B3GALT1: variants seen among roughly 807,000 people sequenced by gnomAD.
The protein encoded by B3GALT1 is beta-1,3-galactosyltransferase 1, also known as UDP-Gal:betaGlcNAc beta 1,3-galactosyltransferase, polypeptide 1.
A neutral mutation model predicts 23.2 loss-of-function variants in B3GALT1; 10 were observed. The ratio of observed to expected loss-of-function variants is 0.43; its 90% CI spans 0.27 to 0.73. B3GALT1 has a LOEUF of 0.73. Ranked by LOEUF, B3GALT1 falls within the 30% of genes least tolerant of loss-of-function variation. The pLI is 0.21. For missense variants in B3GALT1, 299 were observed against 405.4 expected (o/e 0.74, Z 2.25); for synonymous variants, 156 against 141.5 (o/e 1.10, Z -0.73).
chr2:167,768,464 T>C (rs1176126246), intron 3 of B3GALT1, among the ~76,000 whole-genome samples: 5 of 152,230 alleles, frequency 3.3e-5, no homozygotes, highest in Non-Finnish European at 5.9e-5. Context: ...TCAGTATTTA[T>C]GATGCTAGAT....
At chr2:167,522,022 TTATA>T (rs1367087185) in intron 2 of B3GALT1, among the ~76,000 whole-genome samples, 4 of 121,868 alleles carry the variant, frequency 3.3e-5, no homozygotes, top group South Asian at 5.9e-4. Flanking sequence ...ATATATATAA[TTATA>T]TATATGTATA....
intron 1 of B3GALT1, among the ~76,000 whole-genome samples, chr2:167,367,771 C>G (rs148216896): frequency 1.3e-5 from 2 of 152,166 alleles, no homozygotes. Flanking sequence ...ACCCTCTTCT[C>G]CCCTGAGCAA....
At chr2:167,804,811 G>A (rs1251909674) in intron 3 of B3GALT1, among the ~76,000 whole-genome samples, 2 of 151,050 alleles carry the variant, frequency 1.3e-5, no homozygotes, top group Non-Finnish European at 3.0e-5. Flanking sequence ...CTTTATAGCA[G>A]CATGATTTAT....
chr2:167,436,531 T>C (rs1698789401), intron 1 of B3GALT1, among the ~76,000 whole-genome samples: 1 of 152,232 alleles, frequency 6.6e-6, no homozygotes, highest in South Asian at 2.1e-4. Context: ...AAACACTAAA[T>C]GTTAATTAAT....
In B3GALT1 at chr2:167,338,877, A is replaced by AT. The variant is rs765131905; in HGVS notation, c.-511+45543_-511+45544insT. On this transcript the variant is annotated intron_variant, in intron 1 of 4. Coordinates refer to ENST00000392690, the MANE Select transcript of B3GALT1 (RefSeq NM_020981.4). The stretch of plus-strand genomic sequence containing the variant: ...GAAGTCATTGATATTTAGCATATAT[A>AT]AAAATCCTCCAATAAATAAATATTT... 2.4e-4 allele frequency among the ~76,000 whole-genome samples: 36 copies of AT among 152,252 alleles called. 1 individual carries two copies. Among genetic ancestry groups the AT allele is most frequent in the Admixed American group, 1.1e-3 (17 of 15,282 alleles).
intron 2 of B3GALT1, among the ~76,000 whole-genome samples, chr2:167,510,762 T>A (rs953494708): frequency 6.6e-6 from 1 of 152,164 alleles, no homozygotes; most frequent in African/African-American, 2.4e-5. Context: ...GAGCTCAATT[T>A]TGCACAGTTT....
intron 1 of B3GALT1, among the ~76,000 whole-genome samples, chr2:167,389,980 G>A (rs1213724112): frequency 1.3e-5 from 2 of 151,586 alleles, no homozygotes; most frequent in African/African-American, 4.8e-5. Flanking sequence ...TTCTGGAAAT[G>A]GCCTCATTGT....
chr2:167,752,425 A>G (rs1446067374), intron 3 of B3GALT1, among the ~76,000 whole-genome samples: 5 of 152,058 alleles, frequency 3.3e-5, no homozygotes, highest in African/African-American at 1.2e-4. Context: ...TGTAAAGCAT[A>G]TTGCTTTTGT....
intron 1 of B3GALT1, among the ~76,000 whole-genome samples, chr2:167,432,556 G>C (rs1305621008): frequency 2.0e-5 from 3 of 152,108 alleles, no homozygotes; most frequent in African/African-American, 4.8e-5. Flanking sequence ...CCTTTAGATT[G>C]GGTTTTAAAA....
chr2:167,404,183 G>A (rs1414688068), intron 1 of B3GALT1, among the ~76,000 whole-genome samples: 2 of 152,080 alleles, frequency 1.3e-5, no homozygotes, highest in Non-Finnish European at 2.9e-5. Flanking sequence ...AAGGAAAAGG[G>A]GAGGCAGGTG....
At chr2:167,638,253 A>G (rs1235828782) in intron 2 of B3GALT1, among the ~76,000 whole-genome samples, 6 of 152,062 alleles carry the variant, frequency 3.9e-5, no homozygotes, top group Non-Finnish European at 8.8e-5. Context: ...GTTTTAGGCT[A>G]TTGTATGATA....
intron 3 of B3GALT1, among the ~76,000 whole-genome samples, chr2:167,667,994 G>A (rs926072260): frequency 1.3e-5 from 2 of 152,202 alleles, no homozygotes; most frequent in Non-Finnish European, 2.9e-5. Flanking sequence ...CTGGTGAGGA[G>A]CTGCGTTCCT....
chr2:167,400,044 A>T (rs1329058126), intron 1 of B3GALT1, among the ~76,000 whole-genome samples: 1 of 151,988 alleles, frequency 6.6e-6, no homozygotes, highest in Non-Finnish European at 1.5e-5. Context: ...ATTATGTAGT[A>T]TTTACTTTTG....
rs537082411 is a variant in B3GALT1, at chr2:167,707,482, C to T, written c.-352+60516C>T. On this transcript the variant is annotated intron_variant, in intron 3 of 4. Transcript: ENST00000392690. ...GCAGGTTTGAGTTCTTTCCTGTATA[C>T]TCTGCAGAAGAATTTATTTTTCTTA... Among the ~76,000 whole-genome samples, 15 of 150,160 alleles carry T rather than the reference C, an allele frequency of 1.0e-4. No individual in the cohort carries two copies. The South Asian group carries it at 1.7e-3, about 17-fold the overall frequency.
intron 1 of B3GALT1, among the ~76,000 whole-genome samples, chr2:167,327,384 A>G (rs937796967): frequency 3.9e-5 from 6 of 152,098 alleles, no homozygotes; most frequent in Admixed American, 3.3e-4. Context: ...CTGATCCATG[A>G]ATATAGGATG....
intron 4 of B3GALT1, among the ~76,000 whole-genome samples, chr2:167,846,437 C>CCTAT (rs908530517): frequency 2.6e-5 from 4 of 152,224 alleles, no homozygotes; most frequent in African/African-American, 9.6e-5. Flanking sequence ...GGATTGGGGC[C>CCTAT]CTATCTTCAG....
At chr2:167,658,591 G>A (rs1199827737) in intron 3 of B3GALT1, among the ~76,000 whole-genome samples, 1 of 151,956 alleles carries the variant, frequency 6.6e-6, no homozygotes, top group Non-Finnish European at 1.5e-5. Flanking sequence ...ACTGAAATTG[G>A]CAAATGATAG....
At position 167,870,064 on chromosome 2, in the gene B3GALT1, A is replaced by G. The variant is rs1559010263; in HGVS notation, c.*44A>G. Reference sequence around the variant, plus strand: ...TATGTTTCTTTTCTTTTTTTAAGAAATGGGACCTAAGGTGTTGGTATTTTC... The same window carrying G: ...TATGTTTCTTTTCTTTTTTTAAGAAGTGGGACCTAAGGTGTTGGTATTTTC... On this transcript the variant is annotated 3_prime_UTR_variant, in exon 5 of 5. Coordinates refer to ENST00000392690, the MANE Select transcript of B3GALT1 (RefSeq NM_020981.4). The G allele has an allele frequency of 7.2e-6, 11 of 1,526,738 alleles. No individual in the cohort carries two copies. The highest frequency in any genetic ancestry group is 9.7e-6 in the Non-Finnish European group (11 of 1,133,256). The allele number at this position is 1,526,738 out of a possible 1,614,324, so 94.6% of individuals were successfully genotyped here.
At chr2:167,800,967 CAA>C (rs1688629396) in intron 3 of B3GALT1, among the ~76,000 whole-genome samples, 1 of 152,286 alleles carries the variant, frequency 6.6e-6, no homozygotes, top group African/African-American at 2.4e-5. Flanking sequence ...GAAATGATTT[CAA>C]AAGAGCCACT....
Sources: allele counts gnomAD v4.1 joint callset (sites outside exome capture counted in the v4.1 genomes callset), GRCh38; gene constraint gnomAD v4.1.1; transcripts MANE v1.5; gene names NCBI Gene and HGNC (gene_info 2026-07-23, HGNC 2026-07-21).